SORBS2: variants seen among roughly 807,000 people sequenced by gnomAD.
SORBS2 encodes sorbin and SH3 domain containing 2.
Under a neutral mutation model 97.7 loss-of-function variants are expected in SORBS2, and 46 were observed. That is an observed-to-expected ratio of 0.47 (90% CI 0.37 to 0.60). SORBS2 has a LOEUF of 0.60. Among genes scored for constraint, SORBS2 ranks in the 20% least tolerant of loss-of-function variants. SORBS2 has a pLI of 0.00. For synonymous variants in SORBS2, 476 were observed against 473.4 expected, an observed-to-expected ratio of 1.01 and a Z score of -0.07; for missense variants, 1,316 against 1,282.3, an observed-to-expected ratio of 1.03 and a Z score of -0.40.
exon 15 of SORBS2, chr4:185,587,252 T>TA: frequency 4.9e-6 from 1 of 205,692 alleles, no homozygotes. Flanking sequence ...GAACATCGCC[T>TA]GGGGGGAGAT....
chr4:185,935,771 T>G (rs1018493985), intron 1 of SORBS2, among the ~76,000 whole-genome samples: 2 of 152,120 alleles, frequency 1.3e-5, no homozygotes, highest in Non-Finnish European at 2.9e-5. Context: ...AGAGCCGTAG[T>G]TGGTAACACA....
chr4:185,926,357 C>T (rs900667559), intron 1 of SORBS2, among the ~76,000 whole-genome samples: 9 of 151,814 alleles, frequency 5.9e-5, no homozygotes, highest in African/African-American at 2.2e-4. Context: ...GTCCTGGAGG[C>T]GGTGCCTTGT....
chr4:185,789,329 T>A (rs750072527), intron 1 of SORBS2, among the ~76,000 whole-genome samples: 3 of 152,180 alleles, frequency 2.0e-5, no homozygotes, highest in Non-Finnish European at 4.4e-5. Flanking sequence ...GAACTCCTAA[T>A]ACTCATTCAT....
intron 1 of SORBS2, among the ~76,000 whole-genome samples, chr4:185,839,134 A>G (rs1252243053): frequency 6.6e-6 from 1 of 152,260 alleles, no homozygotes; most frequent in Non-Finnish European, 1.5e-5. Context: ...AGATCCAGTA[A>G]CGGTGGGACT....
intron 1 of SORBS2, among the ~76,000 whole-genome samples, chr4:185,868,701 A>T (rs557514155): frequency 6.6e-6 from 1 of 152,084 alleles, no homozygotes; most frequent in African/African-American, 2.4e-5. Flanking sequence ...GGGAATAGAG[A>T]AAAGCTAAAG....
At chr4:185,929,688 A>C (rs2099265509) in intron 1 of SORBS2, among the ~76,000 whole-genome samples, 1 of 151,984 alleles carries the variant, frequency 6.6e-6, no homozygotes, top group African/African-American at 2.4e-5. Flanking sequence ...GGCATGCACC[A>C]CCACGCCCAG....
intron 12 of SORBS2, among the ~76,000 whole-genome samples, chr4:185,601,032 A>T (rs1232346277): frequency 1.3e-5 from 2 of 152,044 alleles, no homozygotes; most frequent in Non-Finnish European, 2.9e-5. Flanking sequence ...CTGGTATTTG[A>T]TCTGGCTTAA....
chr4:185,678,397 C>T (rs1363329090), intron 4 of SORBS2, 26 bp downstream of exon 7: 3 of 1,526,712 alleles, frequency 2.0e-6, no homozygotes, highest in Non-Finnish European at 2.6e-6. Flanking sequence ...TAAAATAATG[C>T]AGTAGCCAAG....
chr4:185,688,197 T>G (rs60322142), intron 2 of SORBS2, among the ~76,000 whole-genome samples: 41,036 of 152,180 alleles, frequency 0.27, 5,645 homozygotes, highest in Middle Eastern at 0.35. Flanking sequence ...TTAGACACTT[T>G]AGTATGAAAA....
intron 1 of SORBS2, among the ~76,000 whole-genome samples, chr4:185,844,843 A>C (rs2099213610): frequency 6.6e-6 from 1 of 152,230 alleles, no homozygotes; most frequent in Non-Finnish European, 1.5e-5. Flanking sequence ...TAAATGAAAG[A>C]GTGAGACACG....
At chr4:185,938,710 G>A (rs568204545) in intron 1 of SORBS2, among the ~76,000 whole-genome samples, 133 of 148,090 alleles carry the variant, frequency 9.0e-4, no homozygotes, top group African/African-American at 3.1e-3. Context: ...TGAGTTTCCC[G>A]CCTGTCAGCA....
intron 2 of SORBS2, among the ~76,000 whole-genome samples, chr4:185,731,427 C>T (rs989233228): frequency 6.7e-6 from 1 of 150,238 alleles, no homozygotes; most frequent in Admixed American, 6.6e-5. Context: ...CAAGCACTGG[C>T]TTTTAGAAAG....
intron 1 of SORBS2, among the ~76,000 whole-genome samples, chr4:185,798,639 CAT>C (rs1343313436): frequency 6.6e-6 from 1 of 152,148 alleles, no homozygotes; most frequent in African/African-American, 2.4e-5. Flanking sequence ...ATTAATTAAA[CAT>C]GTTCTTATCA....
chr4:185,708,145 C>T (rs79731910), intron 2 of SORBS2, among the ~76,000 whole-genome samples: 4 of 152,170 alleles, frequency 2.6e-5, no homozygotes, highest in South Asian at 4.1e-4. Flanking sequence ...GCAGAGCCGA[C>T]TTGGGCTCTC....
intron 1 of SORBS2, among the ~76,000 whole-genome samples, chr4:185,811,421 G>T (rs2099184051): frequency 6.6e-6 from 1 of 152,096 alleles, no homozygotes; most frequent in South Asian, 2.1e-4. Flanking sequence ...GTAAATATTG[G>T]TTTTAAAACC....
intron 3 of SORBS2, among the ~76,000 whole-genome samples, chr4:185,648,013 T>A (rs2097243785): frequency 6.6e-6 from 1 of 152,246 alleles, no homozygotes; most frequent in African/African-American, 2.4e-5. Context: ...CCTCACATAA[T>A]TCATCCTGAG....
chr4:185,743,341 C>A (rs568291261), intron 2 of SORBS2, among the ~76,000 whole-genome samples: 41 of 152,212 alleles, frequency 2.7e-4, no homozygotes, highest in Non-Finnish European at 4.9e-4. Flanking sequence ...CCGCTTGATT[C>A]CTGATAGGGC....
At chr4:185,844,910 A>G (rs780790630) in intron 1 of SORBS2, among the ~76,000 whole-genome samples, 3 of 152,222 alleles carry the variant, frequency 2.0e-5, no homozygotes, top group Non-Finnish European at 4.4e-5. Flanking sequence ...AGAAGAGGCA[A>G]ATCCATACAG....
In SORBS2 at chr4:185,788,194, C is replaced by T. The variant is rs116640430; in HGVS notation, c.-337-12828G>A. On this transcript the variant is annotated intron_variant, in intron 1 of 20. Coordinates refer to the SORBS2 transcript ENST00000284776. Reference sequence around the variant, plus strand: ...TCATGAACTAAATGAGCTGTTAATGCTGTTCGCAATCGTAGACTCATTGAA... The same window carrying T: ...TCATGAACTAAATGAGCTGTTAATGTTGTTCGCAATCGTAGACTCATTGAA... Among the ~76,000 whole-genome samples, 1,199 of 152,312 alleles carry T rather than the reference C, an allele frequency of 7.9e-3. 9 individuals are homozygous for T. Among genetic ancestry groups the T allele is most frequent in the Non-Finnish European group, 0.013 (864 of 68,036 alleles).
Sources: allele counts gnomAD v4.1 joint callset (sites outside exome capture counted in the v4.1 genomes callset), GRCh38; gene constraint gnomAD v4.1.1; transcripts MANE v1.5; gene names NCBI Gene and HGNC (gene_info 2026-07-23, HGNC 2026-07-21).